The following LSAMP variants were observed in gnomAD, a reference collection of about 807,000 sequenced individuals.
LSAMP encodes limbic system-associated membrane protein.
A neutral mutation model predicts 38.6 loss-of-function variants in LSAMP; 7 were observed. The observed-to-expected ratio is 0.18, with a 90% CI of 0.10 to 0.34. LSAMP has a LOEUF of 0.34. LSAMP is among the 10% of genes least tolerant of loss of function. The probability of loss-of-function intolerance (pLI) is 1.00; values close to 1 mark genes in which losing one functional copy is unlikely to be tolerated. For synonymous variants in LSAMP, 154 were observed against 166.8 expected (o/e 0.92, Z 0.59); for missense variants, 313 against 420.0 (o/e 0.75, Z 2.23).
At chr3:116,091,100 G>T (rs755502828) in intron 1 of LSAMP, among the ~76,000 whole-genome samples, 1 of 152,168 alleles carries the variant, frequency 6.6e-6, no homozygotes, top group Non-Finnish European at 1.5e-5. Context: ...CCCCTGGGGG[G>T]CCAGTTCAGA....
chr3:116,275,483 G>A lies in LSAMP; in HGVS notation c.155+169394C>T, dbSNP rs1238235390. ...TGAGTGTGTGTGGGCATTGGGGGGA[G>A]TCTATAATTTAAAAGAAACGTTATT... is the stretch of plus-strand genomic sequence containing the variant. On this transcript the variant is annotated intron_variant, in intron 1 of 6. Coordinates refer to ENST00000490035, the MANE Select transcript of LSAMP (RefSeq NM_002338.5). Among the ~76,000 whole-genome samples the A allele has an allele frequency of 3.9e-5, 6 of 152,094 alleles. No homozygotes were observed. In the East Asian group the frequency reaches 1.2e-3, roughly 29 times the overall value.
At chr3:116,098,810 A>C (rs59841952) in intron 1 of LSAMP, among the ~76,000 whole-genome samples, 10,245 of 152,078 alleles carry the variant, frequency 0.067, 1,116 homozygotes, top group African/African-American at 0.23. Flanking sequence ...ACAGATCAAC[A>C]ATCAGGTCGT....
rs116188013 is a variant in LSAMP at position 116,104,085 on chromosome 3, C to T, written c.156-17529G>A. On this transcript the variant is annotated intron_variant, in intron 1 of 6. Transcript: ENST00000490035. ...AGTGAGCCCACGTAGATTTCTTTCC[C>T]CATCACTGAGTTCTACACAGGGCCT... Among the ~76,000 whole-genome samples, 599 of 152,110 alleles carry T rather than the reference C, an allele frequency of 3.9e-3. 3 individuals are homozygous for T. The highest frequency in any genetic ancestry group is 0.014 in the African/African-American group (580 of 41,486).
intron 1 of LSAMP, among the ~76,000 whole-genome samples, chr3:116,426,407 G>C (rs754761724): frequency 4.1e-5 from 6 of 146,940 alleles, no homozygotes; most frequent in Non-Finnish European, 8.9e-5. Flanking sequence ...GTTGCAGTGA[G>C]CTGAGATCAC....
intron 1 of LSAMP, among the ~76,000 whole-genome samples, chr3:116,166,588 G>A (rs1231496822): frequency 6.6e-6 from 1 of 152,010 alleles, no homozygotes; most frequent in African/African-American, 2.4e-5. Flanking sequence ...ATATATGCAT[G>A]TATATATGTA....
chr3:115,817,499 G>A lies in LSAMP; in HGVS notation c.920-7085C>T, dbSNP rs1418872747. 2.0e-5 allele frequency among the ~76,000 whole-genome samples: 3 copies of A among 152,008 alleles called. No individual in the cohort carries two copies. In the East Asian group the frequency reaches 5.8e-4, roughly 29 times the overall value. ...TCTCAGGGTCGGAAGAGCTCAGGTA[G>A]GTTAAATATTTGGTTTCTCTTTTAA... On this transcript the variant is annotated intron_variant, in intron 6 of 6. Transcript: ENST00000490035.
intron 1 of LSAMP, among the ~76,000 whole-genome samples, chr3:116,213,259 C>T (rs2046183293): frequency 6.6e-6 from 1 of 152,134 alleles, no homozygotes; most frequent in East Asian, 1.9e-4. Context: ...GTAGGAGGAA[C>T]ATAGTGGGAG....
chr3:116,227,813 A>G lies in LSAMP; in HGVS notation c.156-141257T>C, dbSNP rs913274688. Among the ~76,000 whole-genome samples, 7 of 152,276 alleles carry G rather than the reference A, an allele frequency of 4.6e-5. No homozygotes were observed. The South Asian group carries it at 1.4e-3, about 32-fold the overall frequency. ...CACATTTTAAATGGTCATAACTTTT[A>G]ACTACATGATTTTGCCTAGTGACAC... On this transcript the variant is annotated intron_variant, in intron 1 of 6. Coordinates refer to ENST00000490035, the MANE Select transcript of LSAMP (RefSeq NM_002338.5).
chr3:116,264,873 TG>T (rs869083261), intron 1 of LSAMP, among the ~76,000 whole-genome samples: 9 of 151,932 alleles, frequency 5.9e-5, no homozygotes, highest in African/African-American at 2.2e-4. Flanking sequence ...TCCCAAGTGC[TG>T]GGGGAAAAAA....
intron 1 of LSAMP, among the ~76,000 whole-genome samples, chr3:116,113,022 A>G (rs1340675387): frequency 2.0e-5 from 3 of 151,904 alleles, no homozygotes; most frequent in Non-Finnish European, 4.4e-5. Flanking sequence ...AAATGTATCT[A>G]CAACAAATAA....
In LSAMP at chr3:116,027,575, G is replaced by A. The variant is rs146582852; in HGVS notation, c.389-7935C>T. Among the ~76,000 whole-genome samples the A allele has an allele frequency of 5.3e-3, 809 of 152,234 alleles. 10 individuals carry two copies. The highest frequency in any genetic ancestry group is 0.018 in the African/African-American group (768 of 41,542). On this transcript the variant is annotated intron_variant, in intron 2 of 6. Coordinates refer to ENST00000490035, the MANE Select transcript of LSAMP (RefSeq NM_002338.5). ...CCATAATAAGGGGAAAATTTGAAGAGGGGACTTTCCACAGAGGTAAACTGT... is the reference window on the plus strand; with the variant it reads ...CCATAATAAGGGGAAAATTTGAAGAAGGGACTTTCCACAGAGGTAAACTGT...
chr3:116,303,442 A>T (rs568164548), intron 1 of LSAMP, among the ~76,000 whole-genome samples: 7 of 152,358 alleles, frequency 4.6e-5, no homozygotes, highest in African/African-American at 1.4e-4. Flanking sequence ...TAGGCATTAC[A>T]TAAGTAATCT....
rs200215220 is a variant in LSAMP at position 116,420,373 on chromosome 3, C to G, written c.155+24504G>C. Among the ~76,000 whole-genome samples the G allele has an allele frequency of 2.6e-4, 39 of 152,052 alleles. No homozygotes were observed. The East Asian group carries it at 7.7e-3, about 30-fold the overall frequency. On this transcript the variant is annotated intron_variant, in intron 1 of 6. Coordinates refer to ENST00000490035, the MANE Select transcript of LSAMP (RefSeq NM_002338.5). ...TTTGCCTCCCAAAGTGCTGGGATTA[C>G]AGGCCTGAGCCATTGCGCCCAGCCC...
chr3:115,814,053 G>T (rs550296822), intron 6 of LSAMP: 168 of 152,256 alleles, frequency 1.1e-3, no homozygotes, highest in African/African-American at 3.8e-3. Flanking sequence ...TGTTATATAT[G>T]TGCACACCCA....
intron 1 of LSAMP, among the ~76,000 whole-genome samples, chr3:116,256,271 A>G (rs978842404): frequency 2.0e-5 from 3 of 152,188 alleles, no homozygotes; most frequent in Non-Finnish European, 4.4e-5. Context: ...CCTCTAGTGC[A>G]TTTAAAACCT....
chr3:115,909,971 A>T (rs1322551833), intron 3 of LSAMP, among the ~76,000 whole-genome samples: 1 of 152,194 alleles, frequency 6.6e-6, no homozygotes, highest in Non-Finnish European at 1.5e-5. Flanking sequence ...TGGGCTTGCA[A>T]ATTCGTGTAA....
intron 1 of LSAMP, among the ~76,000 whole-genome samples, chr3:116,143,542 C>T (rs373134159): frequency 2.0e-5 from 3 of 151,878 alleles, no homozygotes; most frequent in Non-Finnish European, 4.4e-5. Flanking sequence ...TTATTTCACA[C>T]TGTATGCTTG....
chr3:116,413,750 C>A (rs2049011094), intron 1 of LSAMP, among the ~76,000 whole-genome samples: 5 of 152,014 alleles, frequency 3.3e-5, no homozygotes, highest in Admixed American at 3.3e-4. Flanking sequence ...TAGTTCAGGG[C>A]TTCCTGTATA....
In LSAMP at chr3:115,996,041, T is replaced by C. The variant is rs186167288; in HGVS notation, c.514+23474A>G. On this transcript the variant is annotated intron_variant, in intron 3 of 6. Coordinates refer to ENST00000490035, the MANE Select transcript of LSAMP (RefSeq NM_002338.5). The stretch of plus-strand genomic sequence containing the variant: ...TACCTTAGAATATATTTTAAATATA[T>C]ACTTTAGAATATATTTAATTTAGAA... Among the ~76,000 whole-genome samples the C allele has an allele frequency of 4.6e-5, 7 of 152,138 alleles. No individual in the cohort carries two copies. The East Asian group carries it at 1.2e-3, about 25-fold the overall frequency.
Sources: gnomAD v4.1 joint callset for allele counts (sites outside exome capture counted in the v4.1 genomes callset) on GRCh38, gnomAD v4.1.1 for gene constraint, MANE v1.5 for transcripts, NCBI Gene and HGNC (gene_info 2026-07-23, HGNC 2026-07-21) for gene names.